Variants in BBS9 observed in about 807,000 individuals in gnomAD.
The protein encoded by BBS9 is Bardet-Biedl syndrome 9.
In BBS9, 89 loss-of-function variants were observed where a neutral mutation model predicts 117.7. That is an observed-to-expected ratio of 0.76 (90% CI 0.64 to 0.90). BBS9 has a LOEUF of 0.90. Among genes scored for constraint, BBS9 ranks in the 40% least tolerant of loss-of-function variants. BBS9 has a pLI of 0.00. For synonymous variants in BBS9, 379 were observed against 370.9 expected (o/e 1.02, Z -0.25); for missense variants, 982 against 1,042.2 (o/e 0.94, Z 0.80).
chr7:33,337,111 T>C (rs1027040655), intron 10 of BBS9, among the ~76,000 whole-genome samples: 1 of 152,148 alleles, frequency 6.6e-6, no homozygotes, highest in Admixed American at 6.5e-5. Context: ...ATCCAAATGG[T>C]GTGTAGCTTG....
Position 33,180,688 on chromosome 7 carries a change from G to A in BBS9, c.442+3097G>A, listed in dbSNP as rs551972238. 2.0e-5 allele frequency among the ~76,000 whole-genome samples: 3 copies of A among 152,118 alleles called. No individual in the cohort carries two copies. The East Asian group carries it at 5.8e-4, about 29-fold the overall frequency. ...TCTTTGAGCACTAGTTCTTCTTTTC[G>A]GCACCGAGGACAAGCATTTGTTTGT... On this transcript the variant is annotated intron_variant, in intron 5 of 22. Transcript: ENST00000242067.
rs763837610 is a variant in BBS9, at chr7:33,505,472, C to G, written c.2125C>G (p.Leu709Val). ...LDGTYKQVIA[L>V]ADAVEENQGN... is the part of the protein sequence containing the mutation. Reference sequence around the variant, plus strand: ...TTTGTAATATCTGCAGGTAATTGCTCTAGCAGATGCAGTGGAGGAAAACCA... The same window carrying G: ...TTTGTAATATCTGCAGGTAATTGCTGTAGCAGATGCAGTGGAGGAAAACCA... Residue 709 changes from leucine (L) to valine (V), a missense_variant, in exon 20 of 23, where the codon CTA (leucine) becomes GTA (valine). Leu to Val is a conservative substitution (Grantham distance 32). Coordinates refer to ENST00000242067, the MANE Select transcript of BBS9 (RefSeq NM_198428.3). The G allele has an allele frequency of 6.2e-7, 1 of 1,614,118 alleles. No homozygotes were observed. The highest frequency in any genetic ancestry group is 1.1e-5 in the South Asian group (1 of 91,076).
intron 19 of BBS9, among the ~76,000 whole-genome samples, chr7:33,391,633 CAT>C (rs1390646263): frequency 2.6e-5 from 4 of 152,274 alleles, no homozygotes; most frequent in Non-Finnish European, 4.4e-5. Context: ...ATATTTTTCA[CAT>C]GTTAATTGGC....
chr7:33,292,603 A>G (rs1363709959), intron 9 of BBS9, among the ~76,000 whole-genome samples: 1 of 152,204 alleles, frequency 6.6e-6, no homozygotes, highest in Admixed American at 6.5e-5. Context: ...TATCCCATGA[A>G]GAGTCTTAGA....
At chr7:33,328,249 G>A (rs1344796635) in intron 9 of BBS9, among the ~76,000 whole-genome samples, 2 of 152,118 alleles carry the variant, frequency 1.3e-5, no homozygotes, top group South Asian at 2.1e-4. Context: ...TCTCATGCAG[G>A]CCCATTGCAC....
intron 16 of BBS9, among the ~76,000 whole-genome samples, chr7:33,365,081 CT>C (rs202008416): frequency 6.6e-6 from 1 of 150,496 alleles, no homozygotes; most frequent in African/African-American, 2.4e-5. Flanking sequence ...TTTTGTTTCT[CT>C]TTTTTTTTCT....
At chr7:33,421,813 C>T (rs1832902158) in intron 19 of BBS9, among the ~76,000 whole-genome samples, 1 of 152,144 alleles carries the variant, frequency 6.6e-6, no homozygotes, top group South Asian at 2.1e-4. Flanking sequence ...AAAGAAAGGA[C>T]ATGGTTGGTA....
chr7:33,433,680 T>TAGAAGAG (rs1834865846), intron 19 of BBS9, among the ~76,000 whole-genome samples: 1 of 152,202 alleles, frequency 6.6e-6, no homozygotes, highest in African/African-American at 2.4e-5. Flanking sequence ...TTCACATTCA[T>TAGAAGAG]AGAAGAGACT....
intron 20 of BBS9, among the ~76,000 whole-genome samples, chr7:33,511,444 A>G (rs376640636): frequency 2.6e-5 from 4 of 152,356 alleles, no homozygotes; most frequent in Admixed American, 6.5e-5. Flanking sequence ...CTGATTGCAT[A>G]GAATCCCAGA....
chr7:33,443,583 A>T (rs746765546), intron 19 of BBS9, among the ~76,000 whole-genome samples: 2 of 152,200 alleles, frequency 1.3e-5, no homozygotes, highest in Non-Finnish European at 2.9e-5. Context: ...AAGAGACTTG[A>T]CATTTTGCTT....
chr7:33,230,534 T>C (rs1792158426), intron 5 of BBS9, among the ~76,000 whole-genome samples: 1 of 152,160 alleles, frequency 6.6e-6, no homozygotes, highest in Non-Finnish European at 1.5e-5. Flanking sequence ...ATAGTGCACA[T>C]TGCACCCAAC....
Position 33,621,620 on chromosome 7 carries a change from A to G in BBS9, c.2522-13557A>G, listed in dbSNP as rs545439592. Among the ~76,000 whole-genome samples, 4 of 152,324 alleles carry G rather than the reference A, an allele frequency of 2.6e-5. No homozygotes were observed. In the East Asian group the frequency reaches 7.7e-4, roughly 29 times the overall value. On this transcript the variant is annotated intron_variant, in intron 21 of 21. Coordinates refer to the BBS9 transcript ENST00000671952. ...CAGCCATTAGTGTAAAGAAAGCAGT[A>G]TGGAGATTCTTAAAAAAATTAAAAA...
chr7:33,601,229 G>A (rs546972764), intron 21 of BBS9, among the ~76,000 whole-genome samples: 3 of 152,102 alleles, frequency 2.0e-5, no homozygotes, highest in Admixed American at 6.6e-5. Context: ...TCCTCGAGGC[G>A]AGACGCTTGC....
intron 9 of BBS9, among the ~76,000 whole-genome samples, chr7:33,307,158 A>G (rs1459274787): frequency 6.6e-6 from 1 of 152,184 alleles, no homozygotes; most frequent in Non-Finnish European, 1.5e-5. Context: ...AGTATCACTT[A>G]GTTGTGTATA....
chr7:33,189,061 AC>A (rs1353665770), intron 5 of BBS9, among the ~76,000 whole-genome samples: 3 of 152,134 alleles, frequency 2.0e-5, no homozygotes, highest in Non-Finnish European at 4.4e-5. Flanking sequence ...TAGCATTGTC[AC>A]CCAGGCTGAG....
intron 21 of BBS9, among the ~76,000 whole-genome samples, chr7:33,632,511 G>A (rs925306957): frequency 6.6e-6 from 1 of 152,170 alleles, no homozygotes; most frequent in Non-Finnish European, 1.5e-5. Flanking sequence ...GCGGCTGCTG[G>A]GTGGCTTGCT....
chr7:33,273,898 C>G lies in BBS9; in HGVS notation c.958C>G (p.Leu320Val). 6.2e-7 allele frequency: 1 copy of G among 1,612,962 alleles called. No individual in the cohort carries two copies. The highest frequency in any genetic ancestry group is 2.2e-5 in the East Asian group (1 of 44,774). ...GCTGCATATTTATCAAGATGTGACA[C>G]TGAAGTGGGCCACCCAACTTCCCCA... is the stretch of plus-strand genomic sequence containing the variant. ...NMLHIYQDVT[L>V]KWATQLPHIP... Residue 320 changes from leucine to valine, a missense_variant, in exon 9 of 23, where the codon CTG (leucine) becomes GTG (valine). Transcript: ENST00000242067.
intron 4 of BBS9, among the ~76,000 whole-genome samples, chr7:33,162,036 G>C (rs1477250522): frequency 6.6e-6 from 1 of 151,914 alleles, no homozygotes; most frequent in Admixed American, 6.6e-5. Context: ...TTGTCAGATG[G>C]GTAGATTGCA....
rs1029692479 is a variant in BBS9 at position 33,407,222 on chromosome 7, G to A, written c.2115+19078G>A. Among the ~76,000 whole-genome samples the A allele has an allele frequency of 3.2e-3, 494 of 152,246 alleles. 2 individuals are homozygous for A. Among genetic ancestry groups the A allele is most frequent in the African/African-American group, 0.011 (475 of 41,526 alleles). ...CTGATACCCTTTCTTCCTGTTGATTGCATTGGCTCCTGAGGCTTCTGCATT... is the reference window on the plus strand; with the variant it reads ...CTGATACCCTTTCTTCCTGTTGATTACATTGGCTCCTGAGGCTTCTGCATT... On this transcript the variant is annotated intron_variant, in intron 19 of 22. Transcript: ENST00000242067.
Sources: gnomAD v4.1 joint callset for allele counts (sites outside exome capture counted in the v4.1 genomes callset) on GRCh38, gnomAD v4.1.1 for gene constraint, MANE v1.5 for transcripts, NCBI Gene and HGNC (gene_info 2026-07-23, HGNC 2026-07-21) for gene names.